Variants in GASK1A observed in about 807,000 individuals in gnomAD.
The protein encoded by GASK1A is Golgi-associated kinase 1A.
GASK1A carries 40 observed loss-of-function variants against 41.2 expected under a neutral mutation model. The ratio of observed to expected loss-of-function variants is 0.97; its 90% confidence interval spans 0.75 to 1.27. GASK1A has a LOEUF of 1.27. GASK1A is among the 50% of genes most tolerant of loss of function. The pLI, the probability that GASK1A is intolerant of heterozygous loss-of-function variation, is 0.00. For synonymous variants in GASK1A, 316 were observed against 307.1 expected, an observed-to-expected ratio of 1.03 and a Z score of -0.30; for missense variants, 678 against 745.1, an observed-to-expected ratio of 0.91 and a Z score of 1.05.
At chr3:43,055,023 A>T (rs1203536880) in intron 3 of GASK1A, among the ~76,000 whole-genome samples, 1 of 152,140 alleles carries the variant, frequency 6.6e-6, no homozygotes, top group African/African-American at 2.4e-5. Context: ...CTTGCTCCTC[A>T]CCCCTTCAGC....
In GASK1A at chr3:42,979,558, G is replaced by A. The variant is rs1270820744; in HGVS notation, c.-85G>A. 80 of 1,230,046 alleles carry A rather than the reference G, an allele frequency of 6.5e-5. No homozygotes were observed. Among genetic ancestry groups the A allele is most frequent in the Non-Finnish European group, 7.8e-5 (77 of 981,918 alleles). 76.2% of individuals were successfully genotyped at this position (1,230,046 alleles called of 1,614,324 possible). ...ATCCTGGGAAGCCTGGCGAGCCACG[G>A]CGCCGGGGGCGGCCAAGGGGAGGCG... On this transcript the variant is annotated 5_prime_UTR_variant, in exon 1 of 5. Transcript: ENST00000430121.
At chr3:43,012,283 GGCTGTGTGAAGCCACTGGAAGTA>G (rs1242049111) in intron 1 of GASK1A, among the ~76,000 whole-genome samples, 3 of 150,248 alleles carry the variant, frequency 2.0e-5, no homozygotes, top group African/African-American at 5.0e-5. Flanking sequence ...CACAGGAAGG[GGCTGTGTGAAGCCACTGGAAGTA>G]GCTGTGTGAA....
At chr3:42,991,181 T>C (rs567520907) in intron 1 of GASK1A, among the ~76,000 whole-genome samples, 1 of 152,214 alleles carries the variant, frequency 6.6e-6, no homozygotes, top group South Asian at 2.1e-4. Context: ...TTCTTTCTTA[T>C]TTTCAGTAGA....
chr3:43,040,216 A>G (rs2089629451), intron 2 of GASK1A, among the ~76,000 whole-genome samples: 1 of 152,090 alleles, frequency 6.6e-6, no homozygotes, highest in African/African-American at 2.4e-5. Context: ...TGGCAACCCA[A>G]ATGTCTCAGT....
intron 1 of GASK1A, among the ~76,000 whole-genome samples, chr3:42,986,555 A>G (rs566696973): frequency 1.6e-4 from 24 of 152,342 alleles, no homozygotes; most frequent in African/African-American, 5.5e-4. Context: ...GGAGGCAAAA[A>G]TGAGCTGTTA....
intron 1 of GASK1A, among the ~76,000 whole-genome samples, chr3:42,999,792 T>TG (rs2089399877): frequency 6.6e-6 from 1 of 152,226 alleles, no homozygotes; most frequent in East Asian, 1.9e-4. Context: ...TCAGAAGGGC[T>TG]GGTTTTCTTT....
intron 1 of GASK1A, among the ~76,000 whole-genome samples, chr3:43,020,475 C>T (rs1055595381): frequency 6.6e-6 from 1 of 152,146 alleles, no homozygotes; most frequent in Admixed American, 6.5e-5. Flanking sequence ...GTAGAGACAG[C>T]ACTACACTCT....
intron 2 of GASK1A, among the ~76,000 whole-genome samples, chr3:43,048,876 C>T (rs187682560): frequency 6.6e-6 from 1 of 152,264 alleles, no homozygotes; most frequent in East Asian, 1.9e-4. Context: ...TGTGTTTAAC[C>T]TGGATGAAGG....
intron 2 of GASK1A, among the ~76,000 whole-genome samples, chr3:43,033,922 C>T (rs1047679644): frequency 5.3e-5 from 8 of 152,142 alleles, no homozygotes; most frequent in African/African-American, 9.7e-5. Context: ...TTTGCAGCTT[C>T]GTGACTATAT....
intron 2 of GASK1A, among the ~76,000 whole-genome samples, chr3:43,040,470 T>C (rs769857191): frequency 1.9e-4 from 29 of 152,144 alleles, no homozygotes; most frequent in Admixed American, 5.2e-4. Context: ...ACTTTTTTGC[T>C]TGTTCCTTCC....
chr3:43,048,534 G>C (rs1004347000), intron 2 of GASK1A, among the ~76,000 whole-genome samples: 2 of 152,200 alleles, frequency 1.3e-5, no homozygotes, highest in East Asian at 3.9e-4. Flanking sequence ...GAAGGGTACA[G>C]TAAAGAGCAG....
chr3:42,979,639 G>A lies in GASK1A; in HGVS notation c.-4G>A, dbSNP rs2089269998. ...GAGGAGCCGGCCGGGGCACCGCCGG[G>A]GACATGGTAGGACTCGCGGGAAGGA... On this transcript the variant is annotated 5_prime_UTR_variant, in exon 1 of 5. Transcript: ENST00000430121. 1 of 1,244,766 alleles carries A rather than the reference G, an allele frequency of 8.0e-7. No individual in the cohort carries two copies. Among genetic ancestry groups the A allele is most frequent in the Admixed American group, 4.2e-5 (1 of 23,688 alleles). 77.1% of individuals were successfully genotyped at this position (1,244,766 alleles called of 1,614,324 possible). A position where few individuals can be genotyped will look rare whatever the true frequency, so the allele number is the denominator to read the frequency against.
In GASK1A at chr3:42,979,450, C is replaced by T; in HGVS notation, c.-193C>T. On this transcript the variant is annotated 5_prime_UTR_variant, in exon 1 of 5. Transcript: ENST00000430121. ...AGTATCCCGGTGTGCAGCGATCTCC[C>T]GAGAGTTGGCGCAGGGCCACTTGGC... The T allele has an allele frequency of 2.1e-6, 1 of 470,706 alleles. No homozygotes were observed. 29.2% of individuals were successfully genotyped at this position (470,706 alleles called of 1,614,324 possible).
Position 43,056,494 on chromosome 3 carries a change from G to A in GASK1A, c.*108G>A, listed in dbSNP as rs1365043603. ...AAAGCCAGAAGCCAGAGGGGCACAA[G>A]GATGTCACGGGATATTTCACCTGCC... On this transcript the variant is annotated 3_prime_UTR_variant, in exon 5 of 5. Coordinates refer to ENST00000430121, the MANE Select transcript of GASK1A (RefSeq NM_001129908.3). 5.3e-6 allele frequency: 5 copies of A among 947,524 alleles called. No homozygotes were observed. The African/African-American group carries it at 6.6e-5, about 13-fold the overall frequency. 58.7% of individuals were successfully genotyped at this position (947,524 alleles called of 1,614,324 possible). A position where few individuals can be genotyped will look rare whatever the true frequency, so the allele number is the denominator to read the frequency against.
chr3:42,992,654 A>T (rs1326245090), intron 1 of GASK1A, among the ~76,000 whole-genome samples: 1 of 152,170 alleles, frequency 6.6e-6, no homozygotes, highest in Non-Finnish European at 1.5e-5. Flanking sequence ...ATCCCTGGGG[A>T]TCCATCCCTA....
intron 1 of GASK1A, among the ~76,000 whole-genome samples, chr3:43,016,717 G>A (rs2089493209): frequency 6.6e-6 from 1 of 151,628 alleles, no homozygotes; most frequent in African/African-American, 2.4e-5. Context: ...GGAAGTCACA[G>A]GAAGTGGCTA....
At chr3:42,980,375 C>T (rs1194987880) in intron 1 of GASK1A, among the ~76,000 whole-genome samples, 1 of 152,174 alleles carries the variant, frequency 6.6e-6, no homozygotes, top group Non-Finnish European at 1.5e-5. Context: ...AAGGGGCGTC[C>T]CTCAGGCCCG....
intron 2 of GASK1A, among the ~76,000 whole-genome samples, chr3:43,048,613 G>A (rs539008141): frequency 6.6e-6 from 1 of 152,238 alleles, no homozygotes; most frequent in Admixed American, 6.5e-5. Flanking sequence ...GAACACTGCT[G>A]TGGGGTATCA....
At chr3:43,047,270 T>C (rs1403438087) in intron 2 of GASK1A, among the ~76,000 whole-genome samples, 1 of 152,224 alleles carries the variant, frequency 6.6e-6, no homozygotes, top group Non-Finnish European at 1.5e-5. Context: ...GGGCCAGAGC[T>C]GCCCAAGACT....
Sources: allele counts gnomAD v4.1 joint callset (sites outside exome capture counted in the v4.1 genomes callset), GRCh38; gene constraint gnomAD v4.1.1; transcripts MANE v1.5; gene names NCBI Gene and HGNC (gene_info 2026-07-23, HGNC 2026-07-21).